Variants in TNFRSF21 observed in about 807,000 individuals in gnomAD.
TNFRSF21 encodes the protein TNF receptor superfamily member 21.
TNFRSF21 carries 19 observed loss-of-function variants against 45.6 expected under a neutral mutation model. The observed-to-expected ratio is 0.42, with a 90% CI of 0.29 to 0.61. TNFRSF21 has a LOEUF of 0.61. TNFRSF21 is among the 20% of genes least tolerant of loss of function. The pLI is 0.23. For synonymous variants in TNFRSF21, 314 were observed against 335.5 expected (o/e 0.94, Z 0.70); for missense variants, 737 against 851.5 (o/e 0.87, Z 1.67).
chr6:47,284,049 T>C lies in TNFRSF21; in HGVS notation c.1132A>G (p.Lys378Glu), dbSNP rs748883837. ...CTGGGATCCTGCCGGGGCCCCTTTTTCAGAGTCCTCGAGCTTTTCCGGATA... is the reference window on the plus strand; with the variant it reads ...CTGGGATCCTGCCGGGGCCCCTTTTCCAGAGTCCTCGAGCTTTTCCGGATA... The part of the protein sequence containing the change: ...CSIRKSSRTL[K>E]KGPRQDPSAI... The change falls in exon 3 of 6, where the codon AAA becomes GAA. Residue 378 changes from lysine to glutamate, a missense_variant. Transcript: ENST00000296861. The C allele has an allele frequency of 2.5e-6, 4 of 1,614,204 alleles. No individual in the cohort carries two copies. The Admixed American group carries it at 6.7e-5, about 27-fold the overall frequency.
chr6:47,302,839 C>T (rs907851600), intron 1 of TNFRSF21, among the ~76,000 whole-genome samples: 66 of 152,102 alleles, frequency 4.3e-4, no homozygotes, highest in African/African-American at 1.6e-3. Flanking sequence ...AGATTTAAAC[C>T]CTCTCTCCAG....
chr6:47,268,276 C>T (rs1582334974), intron 3 of TNFRSF21, among the ~76,000 whole-genome samples: 1 of 152,196 alleles, frequency 6.6e-6, no homozygotes, highest in African/African-American at 2.4e-5. Flanking sequence ...AGAAAATATA[C>T]ATAAATTCCA....
At chr6:47,252,295 C>T (rs1000792461) in intron 4 of TNFRSF21, among the ~76,000 whole-genome samples, 7 of 152,216 alleles carry the variant, frequency 4.6e-5, no homozygotes, top group Admixed American at 6.5e-5. Flanking sequence ...ATAACACAGA[C>T]CGGCCCTTTA....
chr6:47,251,341 T>G (rs1764898852), intron 4 of TNFRSF21, among the ~76,000 whole-genome samples: 1 of 152,150 alleles, frequency 6.6e-6, no homozygotes, highest in Admixed American at 6.5e-5. Flanking sequence ...GCTTTGACAT[T>G]ACTGTTCTCA....
At chr6:47,288,757 A>AT (rs1261703287) in intron 1 of TNFRSF21, among the ~76,000 whole-genome samples, 4 of 152,146 alleles carry the variant, frequency 2.6e-5, no homozygotes, top group African/African-American at 9.7e-5. Context: ...TCATGGCCTG[A>AT]TTTTTTCAGA....
intron 1 of TNFRSF21, among the ~76,000 whole-genome samples, chr6:47,297,048 C>T (rs1762798615): frequency 6.6e-6 from 1 of 152,178 alleles, no homozygotes; most frequent in Admixed American, 6.5e-5. Flanking sequence ...TGGGGGCAGT[C>T]CCCTGTGACT....
chr6:47,239,026 C>T (rs1260750994), intron 4 of TNFRSF21, among the ~76,000 whole-genome samples: 1 of 152,150 alleles, frequency 6.6e-6, no homozygotes, highest in African/African-American at 2.4e-5. Context: ...GTGGCTTACA[C>T]CTGTAATCCC....
chr6:47,270,161 T>A (rs1008964230), intron 3 of TNFRSF21, among the ~76,000 whole-genome samples: 7 of 152,162 alleles, frequency 4.6e-5, no homozygotes, highest in Non-Finnish European at 1.5e-5. Flanking sequence ...GCGTATGAGC[T>A]CTGAGAAGGG....
chr6:47,250,756 G>T (rs1283166602), intron 4 of TNFRSF21, among the ~76,000 whole-genome samples: 1 of 152,214 alleles, frequency 6.6e-6, no homozygotes, highest in Non-Finnish European at 1.5e-5. Context: ...CCTGCCTTCT[G>T]ATTCACTTGT....
intron 1 of TNFRSF21, among the ~76,000 whole-genome samples, chr6:47,301,848 G>A (rs921517001): frequency 1.6e-4 from 24 of 152,178 alleles, no homozygotes; most frequent in African/African-American, 5.8e-4. Context: ...AAATGACCCA[G>A]TCTTGGGTAT....
intron 1 of TNFRSF21, among the ~76,000 whole-genome samples, chr6:47,291,235 C>T (rs893731179): frequency 6.6e-6 from 1 of 152,202 alleles, no homozygotes; most frequent in Non-Finnish European, 1.5e-5. Context: ...AGAGTGGCCA[C>T]AGTTACATCT....
chr6:47,282,653 G>GA (rs1416394798), intron 3 of TNFRSF21, among the ~76,000 whole-genome samples: 2 of 151,920 alleles, frequency 1.3e-5, no homozygotes, highest in South Asian at 2.1e-4. Flanking sequence ...CCACACTGGG[G>GA]AAAAAAAATT....
intron 4 of TNFRSF21, among the ~76,000 whole-genome samples, chr6:47,251,030 G>C (rs930113401): frequency 9.2e-5 from 14 of 151,960 alleles, no homozygotes; most frequent in African/African-American, 3.4e-4. Context: ...TTTAGATTTG[G>C]GACCTATCCC....
At chr6:47,237,004 C>T (rs1019129670) in intron 4 of TNFRSF21, among the ~76,000 whole-genome samples, 7 of 152,118 alleles carry the variant, frequency 4.6e-5, no homozygotes, top group Non-Finnish European at 2.9e-5. Context: ...CCAAAAGGTC[C>T]TATTAGTAAA....
rs576456297 is a variant in TNFRSF21, at chr6:47,269,221, A to G, written c.1243+14717T>C. 9.9e-5 allele frequency among the ~76,000 whole-genome samples: 15 copies of G among 151,078 alleles called. No homozygotes were observed. In the East Asian group the frequency reaches 2.5e-3, roughly 25 times the overall value. Reference sequence around the variant, plus strand: ...AACACACACACACAGACACACACAGACACAAACACACACACACAAACACAC... The same window carrying G: ...AACACACACACACAGACACACACAGGCACAAACACACACACACAAACACAC... On this transcript the variant is annotated intron_variant, in intron 3 of 5. Transcript: ENST00000296861.
In TNFRSF21 at chr6:47,309,876, T is replaced by G; in HGVS notation, c.-365A>C. ...TTCCAGCCACTGCCAACCACCCTCCTCCGCTGCCCAGACTGGTCGGCGAGG... is the reference window on the plus strand; with the variant it reads ...TTCCAGCCACTGCCAACCACCCTCCGCCGCTGCCCAGACTGGTCGGCGAGG... On this transcript the variant is annotated 5_prime_UTR_variant, in exon 1 of 6. Transcript: ENST00000296861. 5.5e-6 allele frequency: 1 copy of G among 183,018 alleles called. No homozygotes were observed. Among genetic ancestry groups the G allele is most frequent in the African/African-American group, 2.3e-5 (1 of 42,650 alleles). 11.3% of individuals were successfully genotyped at this position (183,018 alleles called of 1,614,324 possible). A position where few individuals can be genotyped will look rare whatever the true frequency, so the allele number is the denominator to read the frequency against.
At chr6:47,292,142 T>A (rs1368881833) in intron 1 of TNFRSF21, among the ~76,000 whole-genome samples, 1 of 152,170 alleles carries the variant, frequency 6.6e-6, no homozygotes, top group African/African-American at 2.4e-5. Context: ...GAATAGTTTC[T>A]GTATAACACA....
rs149743493 is a variant in TNFRSF21 at position 47,269,240 on chromosome 6, AACAC to A, written c.1243+14694_1243+14697del. ...ACACAGACACAAACACACACACACAAACACACACACACACACATACACACATTGC... is the reference window on the plus strand; with the variant it reads ...ACACAGACACAAACACACACACACAAACACACACACACATACACACATTGC... On this transcript the variant is annotated intron_variant, in intron 3 of 5. Transcript: ENST00000296861. Among the ~76,000 whole-genome samples, 19 of 149,430 alleles carry A rather than the reference AACAC, an allele frequency of 1.3e-4. No individual in the cohort carries two copies. In the South Asian group the frequency reaches 2.1e-3, roughly 17 times the overall value.
intron 4 of TNFRSF21, among the ~76,000 whole-genome samples, chr6:47,246,891 G>A (rs1582319653): frequency 6.6e-6 from 1 of 152,062 alleles, no homozygotes; most frequent in East Asian, 1.9e-4. Flanking sequence ...TTGGCAGGTT[G>A]AGTACTTCTT....
Sources: gnomAD v4.1 joint callset for allele counts (sites outside exome capture counted in the v4.1 genomes callset) on GRCh38, gnomAD v4.1.1 for gene constraint, MANE v1.5 for transcripts, NCBI Gene and HGNC (gene_info 2026-07-23, HGNC 2026-07-21) for gene names.